Variants in PCDH7 observed in about 807,000 individuals in gnomAD.
The protein encoded by PCDH7 is protocadherin 7.
PCDH7 carries 17 observed loss-of-function variants against 58.9 expected under a neutral mutation model. The observed-to-expected ratio is 0.29, with a 90% confidence interval of 0.20 to 0.43. PCDH7 has a LOEUF of 0.43. Among genes scored for constraint, PCDH7 ranks in the 20% least tolerant of loss-of-function variants. The pLI, the probability that PCDH7 is intolerant of heterozygous loss-of-function variation, is 1.00. For synonymous variants in PCDH7, 664 were observed against 616.4 expected, an observed-to-expected ratio of 1.08 and a Z score of -1.14; for missense variants, 1,274 against 1,441.0, an observed-to-expected ratio of 0.88 and a Z score of 1.88.
intron 3 of PCDH7, among the ~76,000 whole-genome samples, chr4:31,033,174 A>G (rs1238414777): frequency 6.6e-6 from 1 of 151,860 alleles, no homozygotes; most frequent in Non-Finnish European, 1.5e-5. Context: ...AGCTTCATGT[A>G]AAGCCAATAG....
At chr4:31,082,408 T>C (rs1163292866) in intron 3 of PCDH7, among the ~76,000 whole-genome samples, 2 of 152,198 alleles carry the variant, frequency 1.3e-5, no homozygotes, top group South Asian at 2.1e-4. Context: ...TTCTGAAATA[T>C]ATAGTGAAAT....
At position 30,894,494 on chromosome 4, in the gene PCDH7, T is replaced by A. The variant is rs1310536060; in HGVS notation, c.71-25659T>A. Among the ~76,000 whole-genome samples, 125 of 28,348 alleles carry A rather than the reference T, an allele frequency of 4.4e-3. 1 individual carries two copies. The highest frequency in any genetic ancestry group is 9.8e-3 in the East Asian group (11 of 1,126). The allele number at this position is 28,348 out of a possible 152,430, so 18.6% of individuals were successfully genotyped here. ...AAAAAAAAAAAAAAAAAAAAAAATA[T>A]ATATATATATATATATATATATACA... is the stretch of plus-strand genomic sequence containing the variant. On this transcript the variant is annotated intron_variant, in intron 1 of 3. Transcript: ENST00000509759.
chr4:31,142,875 C>T (rs755131687), exon 4 of PCDH7: 6 of 1,335,420 alleles, frequency 4.5e-6, no homozygotes, highest in Non-Finnish European at 5.9e-6. Flanking sequence ...CAGCAAAGTT[C>T]TTTACATGTA....
intron 3 of PCDH7, among the ~76,000 whole-genome samples, chr4:31,072,453 T>TA (rs34074102): frequency 6.6e-6 from 1 of 151,998 alleles, no homozygotes; most frequent in Admixed American, 6.6e-5. Context: ...TAATTTTTTT[T>TA]AAAAAAGGAG....
intron 3 of PCDH7, among the ~76,000 whole-genome samples, chr4:31,004,547 A>C (rs545158901): frequency 6.6e-6 from 1 of 151,644 alleles, no homozygotes; most frequent in African/African-American, 2.4e-5. Context: ...CCATCTCTAC[A>C]AAAAATACAA....
chr4:31,035,089 T>A (rs1345995766), intron 3 of PCDH7, among the ~76,000 whole-genome samples: 1 of 152,152 alleles, frequency 6.6e-6, no homozygotes, highest in Admixed American at 6.5e-5. Context: ...TCACTTTTCA[T>A]TGAATGATCG....
intron 1 of PCDH7, among the ~76,000 whole-genome samples, chr4:30,756,552 G>A (rs1196344611): frequency 3.3e-5 from 5 of 152,094 alleles, no homozygotes; most frequent in Admixed American, 6.6e-5. Flanking sequence ...CCCCGAATAC[G>A]GTACAACCTC....
rs996777928 is a variant in PCDH7 at position 30,803,073 on chromosome 4, C to T, written c.70+78477C>T. On this transcript the variant is annotated intron_variant, in intron 1 of 3. Coordinates refer to the PCDH7 transcript ENST00000509759. ...AATTAGGGAGAGAAGGAAGTGAAGC[C>T]AGGAAGGATTAGACACTGCCAATTC... Among the ~76,000 whole-genome samples, 8 of 152,148 alleles carry T rather than the reference C, an allele frequency of 5.3e-5. No individual in the cohort carries two copies. In the South Asian group the frequency reaches 1.7e-3, roughly 32 times the overall value.
intron 1 of PCDH7, among the ~76,000 whole-genome samples, chr4:30,792,757 G>A (rs1023826179): frequency 1.3e-5 from 2 of 152,032 alleles, no homozygotes; most frequent in Admixed American, 1.3e-4. Flanking sequence ...TCTTTTCTGT[G>A]TGTCTAGCTG....
intron 1 of PCDH7, among the ~76,000 whole-genome samples, chr4:30,826,917 G>T (rs1051243925): frequency 6.6e-6 from 1 of 151,834 alleles, no homozygotes; most frequent in African/African-American, 2.4e-5. Flanking sequence ...TTGTAGAGAC[G>T]GGGTTTTGCC....
At chr4:31,062,684 A>T (rs1271843997) in intron 3 of PCDH7, among the ~76,000 whole-genome samples, 1 of 151,700 alleles carries the variant, frequency 6.6e-6, no homozygotes, top group Non-Finnish European at 1.5e-5. Context: ...CTCTTTCTTC[A>T]TATTCTTTTC....
intron 3 of PCDH7, among the ~76,000 whole-genome samples, chr4:30,965,761 T>A (rs996120777): frequency 6.6e-6 from 1 of 152,100 alleles, no homozygotes; most frequent in Non-Finnish European, 1.5e-5. Flanking sequence ...CTTGCATCTG[T>A]ATCTTTCCAT....
chr4:31,002,420 G>A (rs1752430310), intron 3 of PCDH7, among the ~76,000 whole-genome samples: 1 of 152,220 alleles, frequency 6.6e-6, no homozygotes, highest in South Asian at 2.1e-4. Flanking sequence ...TATATTTAAT[G>A]TAGACCAGTT....
chr4:31,094,988 G>A (rs1031880327), intron 3 of PCDH7, among the ~76,000 whole-genome samples: 5 of 151,598 alleles, frequency 3.3e-5, no homozygotes, highest in African/African-American at 1.2e-4. Flanking sequence ...TTTTAGTAAA[G>A]GTGTAGCTAT....
chr4:31,105,886 A>T (rs1183319704), intron 3 of PCDH7, among the ~76,000 whole-genome samples: 1 of 151,994 alleles, frequency 6.6e-6, no homozygotes, highest in Non-Finnish European at 1.5e-5. Flanking sequence ...GGGCGCCTGT[A>T]GTCCCAGCTG....
chr4:30,735,514 G>A (rs553075753), downstream of PCDH7, among the ~76,000 whole-genome samples: 12 of 152,280 alleles, frequency 7.9e-5, 1 homozygote, highest in African/African-American at 2.6e-4. Context: ...GTAACTGACC[G>A]TAAGTGACCC....
At chr4:30,877,596 C>T (rs778087442) in intron 1 of PCDH7, among the ~76,000 whole-genome samples, 2 of 152,238 alleles carry the variant, frequency 1.3e-5, no homozygotes, top group Non-Finnish European at 2.9e-5. Context: ...CTCTCTTCAT[C>T]ATGCAGGCAA....
At chr4:30,922,980 A>G (rs552492808) in intron 2 of PCDH7, among the ~76,000 whole-genome samples, 4 of 152,308 alleles carry the variant, frequency 2.6e-5, no homozygotes, top group African/African-American at 7.2e-5. Flanking sequence ...TCTGACATAA[A>G]TAGAATTGGA....
At chr4:30,725,326 A>G (rs1321920793) in intron 1 of PCDH7, 36 of 982,616 alleles carry the variant, frequency 3.7e-5, no homozygotes, top group Non-Finnish European at 4.3e-5. Context: ...ACATTGCATG[A>G]GCCATTTATT....
Sources: allele counts gnomAD v4.1 joint callset (sites outside exome capture counted in the v4.1 genomes callset), GRCh38; gene constraint gnomAD v4.1.1; transcripts MANE v1.5; gene names NCBI Gene and HGNC (gene_info 2026-07-23, HGNC 2026-07-21).